Variants in LARGE1 observed in about 807,000 individuals in gnomAD.
LARGE1 encodes xylosyl- and glucuronyltransferase LARGE1.
LARGE1 carries 43 observed loss-of-function variants against 87.6 expected under a neutral mutation model. The ratio of observed to expected loss-of-function variants is 0.49; its 90% CI spans 0.38 to 0.63. The LOEUF (loss-of-function observed/expected upper bound fraction) is 0.63, where lower values mean the gene tolerates loss of function less well. LARGE1 is among the 30% of genes least tolerant of loss of function. The pLI is 0.00. For synonymous variants in LARGE1, 434 were observed against 394.6 expected, an observed-to-expected ratio of 1.10 and a Z score of -1.18; for missense variants, 802 against 1,000.2, an observed-to-expected ratio of 0.80 and a Z score of 2.67.
At chr22:33,223,472 C>A (rs1925559957) in intron 11 of LARGE1, among the ~76,000 whole-genome samples, 2 of 152,212 alleles carry the variant, frequency 1.3e-5, no homozygotes, top group Admixed American at 6.5e-5. Flanking sequence ...AGTTTACTTT[C>A]ATCTGCCTGG....
intron 2 of LARGE1, among the ~76,000 whole-genome samples, chr22:33,679,033 C>A (rs2081665135): frequency 1.3e-5 from 2 of 152,160 alleles, no homozygotes; most frequent in African/African-American, 4.8e-5. Context: ...GCGGTGGGGA[C>A]CCCAGAATCG....
At chr22:33,902,129 A>G (rs1221520630) in intron 1 of LARGE1, among the ~76,000 whole-genome samples, 2 of 152,342 alleles carry the variant, frequency 1.3e-5, no homozygotes, top group Non-Finnish European at 2.9e-5. Context: ...TCATTCCAAC[A>G]CAACAGTGGC....
At position 33,878,129 on chromosome 22, in the gene LARGE1, C is replaced by CTTT. The variant is rs1186663464; in HGVS notation, c.-83+41863_-83+41865dup. Among the ~76,000 whole-genome samples, 223 of 44,650 alleles carry CTTT rather than the reference C, an allele frequency of 5.0e-3. 47 individuals carry two copies. Among genetic ancestry groups the CTTT allele is most frequent in the Middle Eastern group, 0.048 (2 of 42 alleles). 29.3% of individuals were successfully genotyped at this position (44,650 alleles called of 152,430 possible). On this transcript the variant is annotated intron_variant, in intron 1 of 14. Transcript: ENST00000397394. The stretch of plus-strand genomic sequence containing the variant: ...TATGTATGTTGTTTATATTGTATTT[C>CTTT]TTTTTTTTTTTTTTTTTTTTTTTTT...
At chr22:33,804,361 T>C (rs146234824) in intron 1 of LARGE1, among the ~76,000 whole-genome samples, 2 of 152,298 alleles carry the variant, frequency 1.3e-5, no homozygotes, top group East Asian at 3.9e-4. Context: ...AATAAAATAA[T>C]AAACTGCACC....
At chr22:33,205,427 G>A (rs1209156086) in intron 11 of LARGE1, among the ~76,000 whole-genome samples, 1 of 152,184 alleles carries the variant, frequency 6.6e-6, no homozygotes, top group Admixed American at 6.5e-5. Context: ...AAAGGTCTCT[G>A]TTCTTTTGAA....
intron 1 of LARGE1, among the ~76,000 whole-genome samples, chr22:33,855,321 G>A (rs577417390): frequency 2.4e-4 from 36 of 152,184 alleles, no homozygotes; most frequent in Admixed American, 1.4e-3. Context: ...GCAAGACAGC[G>A]GGACCCCGTC....
At chr22:33,697,275 G>A (rs907230462) in intron 2 of LARGE1, among the ~76,000 whole-genome samples, 12 of 152,088 alleles carry the variant, frequency 7.9e-5, no homozygotes, top group African/African-American at 2.4e-4. Context: ...GATCTCAGCA[G>A]ATACAGCAGG....
chr22:33,290,355 T>C (rs540863541), intron 12 of LARGE1, among the ~76,000 whole-genome samples: 22 of 152,346 alleles, frequency 1.4e-4, no homozygotes, highest in African/African-American at 5.1e-4. Context: ...GTTCACATTC[T>C]AGAGGCAGGC....
At chr22:33,424,741 C>T (rs1410759816) in intron 7 of LARGE1, among the ~76,000 whole-genome samples, 1 of 152,102 alleles carries the variant, frequency 6.6e-6, no homozygotes, top group East Asian at 1.9e-4. Context: ...GAGAGGATCG[C>T]TTGAGCCTGC....
the LARGE1 span, among the ~76,000 whole-genome samples, chr22:33,112,721 T>C: frequency 3.3e-5 from 5 of 152,152 alleles, no homozygotes; most frequent in African/African-American, 1.2e-4. Flanking sequence ...ACAAAGAGAA[T>C]GTGTCCAAAT....
At chr22:33,175,912 G>C (rs903172665) in intron 11 of LARGE1, among the ~76,000 whole-genome samples, 13 of 151,982 alleles carry the variant, frequency 8.6e-5, no homozygotes, top group Non-Finnish European at 1.6e-4. Flanking sequence ...TATACTACAG[G>C]GCTACAGTAA....
chr22:33,358,346 T>G (rs77717407), intron 9 of LARGE1, among the ~76,000 whole-genome samples: 11,501 of 151,934 alleles, frequency 0.076, 515 homozygotes, highest in South Asian at 0.14. Context: ...AAAATCAACC[T>G]TAACATTCAT....
chr22:33,636,804 T>A (rs1477276684), intron 3 of LARGE1, among the ~76,000 whole-genome samples: 1 of 152,080 alleles, frequency 6.6e-6, no homozygotes, highest in Non-Finnish European at 1.5e-5. Flanking sequence ...GGTGCTGGGA[T>A]TACAGGCATG....
intron 6 of LARGE1, among the ~76,000 whole-genome samples, chr22:33,512,730 A>C (rs981472600): frequency 6.6e-6 from 1 of 152,154 alleles, no homozygotes; most frequent in African/African-American, 2.4e-5. Flanking sequence ...TTAAACCTGG[A>C]AGGCGGAAGT....
At chr22:33,331,922 C>G (rs1937764173) in intron 10 of LARGE1, among the ~76,000 whole-genome samples, 1 of 152,122 alleles carries the variant, frequency 6.6e-6, no homozygotes, top group Admixed American at 6.5e-5. Context: ...CACCTTCTCT[C>G]CCTAGTTGTG....
chr22:33,291,322 T>C (rs16992067), intron 12 of LARGE1, among the ~76,000 whole-genome samples: 10,630 of 152,242 alleles, frequency 0.07, 1,101 homozygotes, highest in African/African-American at 0.23. Flanking sequence ...ATGGTCACGA[T>C]TTGCCTGAAA....
At chr22:33,505,517 A>T (rs2070719867) in intron 6 of LARGE1, among the ~76,000 whole-genome samples, 1 of 152,226 alleles carries the variant, frequency 6.6e-6, no homozygotes, top group Non-Finnish European at 1.5e-5. Context: ...TGCCTCACAC[A>T]TCTGAAGGGT....
At chr22:33,459,699 T>C (rs1022653952) in intron 6 of LARGE1, among the ~76,000 whole-genome samples, 8 of 149,920 alleles carry the variant, frequency 5.3e-5, no homozygotes, top group African/African-American at 2.0e-4. Flanking sequence ...GATATTTACA[T>C]TACACCGCCA....
the LARGE1 span, among the ~76,000 whole-genome samples, chr22:33,153,457 A>G: frequency 1.3e-5 from 2 of 152,178 alleles, no homozygotes; most frequent in Non-Finnish European, 2.9e-5. Context: ...ATTTCTGAAG[A>G]GTTTATATTT....
Sources: allele counts gnomAD v4.1 joint callset (sites outside exome capture counted in the v4.1 genomes callset), GRCh38; gene constraint gnomAD v4.1.1; transcripts MANE v1.5; gene names NCBI Gene and HGNC (gene_info 2026-07-23, HGNC 2026-07-21).